TRIM24: variants seen among roughly 807,000 people sequenced by gnomAD.
TRIM24 encodes tripartite motif containing 24, also known as transcription intermediary factor 1-alpha.
Under a neutral mutation model 123.9 loss-of-function variants are expected in TRIM24, and 29 were observed. That is an observed-to-expected ratio of 0.23 (90% CI 0.17 to 0.32). The LOEUF is 0.32. TRIM24 is among the 10% of genes least tolerant of loss of function. The pLI is 1.00. For synonymous variants in TRIM24, 456 were observed against 461.1 expected (o/e 0.99, Z 0.14); for missense variants, 932 against 1,295.3 (o/e 0.72, Z 4.31).
chr7:138,529,083 C>A, intron 5 of TRIM24, 33 bp from the exon 6 acceptor site: 1 of 1,333,266 alleles, frequency 7.5e-7, no homozygotes, highest in Non-Finnish European at 1.0e-6. Context: ...TACAAAAAAA[C>A]TGCCTTATGT....
chr7:138,560,532 G>T (rs563906325), intron 9 of TRIM24, among the ~76,000 whole-genome samples: 1 of 152,192 alleles, frequency 6.6e-6, no homozygotes, highest in Non-Finnish European at 1.5e-5. Context: ...TCCTGGGGCC[G>T]AGTGGGCCCT....
intron 17 of TRIM24, among the ~76,000 whole-genome samples, chr7:138,582,133 A>G (rs1584751375): frequency 6.6e-6 from 1 of 152,140 alleles, no homozygotes; most frequent in Non-Finnish European, 1.5e-5. Flanking sequence ...TTCCGTACTT[A>G]TTTTTCTTTA....
At chr7:138,572,067 T>A (rs543260305) in intron 11 of TRIM24, among the ~76,000 whole-genome samples, 1 of 152,358 alleles carries the variant, frequency 6.6e-6, no homozygotes. Context: ...CCTATAAGAT[T>A]GTGAAAATAA....
At chr7:138,555,647 TA>T (rs1197401685) in intron 9 of TRIM24, among the ~76,000 whole-genome samples, 1 of 151,984 alleles carries the variant, frequency 6.6e-6, no homozygotes, top group Non-Finnish European at 1.5e-5. Context: ...CACACCCGGC[TA>T]ATTTTTTGTA....
rs142912666 is a variant in TRIM24, at chr7:138,541,139, G to A, written c.1143+2336G>A. Among the ~76,000 whole-genome samples the A allele has an allele frequency of 1.4e-3, 212 of 152,108 alleles. 1 individual carries two copies. The highest frequency in any genetic ancestry group is 4.8e-3 in the African/African-American group (199 of 41,510). On this transcript the variant is annotated intron_variant, in intron 7 of 18. Coordinates refer to ENST00000343526, the MANE Select transcript of TRIM24 (RefSeq NM_015905.3). The stretch of plus-strand genomic sequence containing the variant: ...ACAGCATGAACCACTGCACCCAGCC[G>A]CATAATGTATTTCTTAATAATTATT...
chr7:138,504,478 CAG>C (rs1419204518), intron 2 of TRIM24, 70 bp downstream of exon 2: 1 of 803,266 alleles, frequency 1.2e-6, no homozygotes, highest in East Asian at 3.2e-5. Flanking sequence ...TTTTTTGAGA[CAG>C]AGTCTCATTC....
At chr7:138,467,885 C>G (rs758831445) in intron 1 of TRIM24, among the ~76,000 whole-genome samples, 1 of 151,586 alleles carries the variant, frequency 6.6e-6, no homozygotes, top group East Asian at 1.9e-4. Context: ...TTGCTAAATT[C>G]GATTATTAAG....
intron 2 of TRIM24, among the ~76,000 whole-genome samples, chr7:138,508,708 C>CGTGTGCGTGTGTGTGTGTGCGT (rs1554436685): frequency 2.2e-5 from 3 of 136,194 alleles, no homozygotes; most frequent in Admixed American, 7.3e-5. Context: ...CGCGTGTGTG[C>CGTGTGCGTGTGTGTGTGTGCGT]GTGTGTGTGT....
At chr7:138,512,734 A>G (rs1796316396) in intron 2 of TRIM24, among the ~76,000 whole-genome samples, 1 of 152,020 alleles carries the variant, frequency 6.6e-6, no homozygotes, top group South Asian at 2.1e-4. Flanking sequence ...CAGTCCTTCT[A>G]GGCCTCTGGG....
chr7:138,478,819 C>T (rs1431979436), intron 1 of TRIM24, among the ~76,000 whole-genome samples: 1 of 152,130 alleles, frequency 6.6e-6, no homozygotes, highest in Non-Finnish European at 1.5e-5. Flanking sequence ...CATAAAGTCA[C>T]TAGAGGTTAG....
At chr7:138,486,597 C>G (rs976252590) in intron 1 of TRIM24, among the ~76,000 whole-genome samples, 1 of 152,110 alleles carries the variant, frequency 6.6e-6, no homozygotes, top group Non-Finnish European at 1.5e-5. Context: ...ATAGGGAATC[C>G]TTTCCCCATT....
chr7:138,477,340 A>G (rs1024994834), intron 1 of TRIM24, among the ~76,000 whole-genome samples: 2 of 152,204 alleles, frequency 1.3e-5, no homozygotes, highest in South Asian at 4.1e-4. Flanking sequence ...CAACAGAAGA[A>G]TAAATAATTA....
At position 138,573,583 on chromosome 7, in the gene TRIM24, C is replaced by G; in HGVS notation, c.1955C>G (p.Pro652Arg). The G allele has an allele frequency of 6.2e-7, 1 of 1,613,974 alleles. No homozygotes were observed. The highest frequency in any genetic ancestry group is 1.1e-5 in the South Asian group (1 of 91,066). ...DTNIDHGQPR[P>R]PSNRTVQSPN... ...AATATAGATCATGGCCAGCCAAGAC[C>G]ACCCTCAAACAGAACGGTCCAGTCA... The change falls in exon 12 of 19, where the codon CCA (proline) becomes CGA (arginine). Residue 652 changes from proline to arginine, a missense_variant. Physicochemically the swap from Pro to Arg is moderately radical, Grantham distance 103. Around this residue, in one of 7 missense-constraint regions of TRIM24, gnomAD observed 527 missense variants for 691.3 expected, o/e 0.76. Transcript: ENST00000343526.
At chr7:138,462,395 C>T (rs1047860400) in intron 1 of TRIM24, among the ~76,000 whole-genome samples, 3 of 144,292 alleles carry the variant, frequency 2.1e-5, no homozygotes, top group Admixed American at 7.1e-5. Context: ...GGCTGGAGTG[C>T]AGTGGCGCGA....
At chr7:138,529,516 G>T (rs2116585903) in intron 6 of TRIM24, among the ~76,000 whole-genome samples, 1 of 152,268 alleles carries the variant, frequency 6.6e-6, no homozygotes, top group Non-Finnish European at 1.5e-5. Context: ...TTATTTTCGA[G>T]ATGCACTGAA....
At chr7:138,505,792 A>G (rs543434381) in intron 2 of TRIM24, among the ~76,000 whole-genome samples, 83 of 152,294 alleles carry the variant, frequency 5.4e-4, no homozygotes, top group Admixed American at 1.6e-3. Flanking sequence ...TATAACCCAC[A>G]TGTAGAACAT....
chr7:138,528,030 A>G (rs952708789), intron 5 of TRIM24, among the ~76,000 whole-genome samples: 1 of 152,204 alleles, frequency 6.6e-6, no homozygotes, highest in African/African-American at 2.4e-5. Context: ...GAAGCAGAAC[A>G]AAGGCAGTTA....
Position 138,587,947 on chromosome 7 carries a change from C to T in TRIM24, c.*2996C>T, listed in dbSNP as rs1563071918. 6.6e-6 allele frequency: 1 copy of T among 152,130 alleles called. No individual in the cohort carries two copies. Among genetic ancestry groups the T allele is most frequent in the Non-Finnish European group, 1.5e-5 (1 of 68,006 alleles). 9.4% of individuals were successfully genotyped at this position (152,130 alleles called of 1,614,324 possible). On this transcript the variant is annotated 3_prime_UTR_variant, in exon 19 of 19. Coordinates refer to ENST00000343526, the MANE Select transcript of TRIM24 (RefSeq NM_015905.3). ...TTGTCTTTTGAATTAACATGCCCTGCTTGTCTTTTCTGAATGGAAGGGTAG... is the reference window on the plus strand; with the variant it reads ...TTGTCTTTTGAATTAACATGCCCTGTTTGTCTTTTCTGAATGGAAGGGTAG...
intron 1 of TRIM24, among the ~76,000 whole-genome samples, chr7:138,476,752 A>G (rs1389551293): frequency 2.0e-5 from 3 of 152,158 alleles, no homozygotes; most frequent in Non-Finnish European, 4.4e-5. Context: ...TATCTAGTAA[A>G]ATGCAAATGC....
Sources: allele counts gnomAD v4.1 joint callset (sites outside exome capture counted in the v4.1 genomes callset), GRCh38; gene constraint gnomAD v4.1.1; regional missense constraint gnomAD v4.1.1; transcripts MANE v1.5; gene names NCBI Gene and HGNC (gene_info 2026-07-23, HGNC 2026-07-21).